The following PARP1 variants were observed in gnomAD, a reference collection of about 807,000 sequenced individuals.
PARP1 encodes the protein poly(ADP-ribose) polymerase 1, also known as poly [ADP-ribose] polymerase 1.
A neutral mutation model predicts 118.7 loss-of-function variants in PARP1; 44 were observed. The ratio of observed to expected loss-of-function variants is 0.37; its 90% CI spans 0.29 to 0.48. The LOEUF is 0.48. Among genes scored for constraint, PARP1 ranks in the 20% least tolerant of loss-of-function variants. PARP1 has a pLI of 0.99. For missense variants in PARP1, 1,100 were observed against 1,272.4 expected (o/e 0.86, Z 2.06); for synonymous variants, 492 against 483.2 (o/e 1.02, Z -0.24).
intron 14 of PARP1, among the ~76,000 whole-genome samples, chr1:226,372,933 G>C (rs957026936): frequency 6.6e-6 from 1 of 152,104 alleles, no homozygotes; most frequent in Non-Finnish European, 1.5e-5. Context: ...TCACACTAGT[G>C]ACCTCATAAA....
chr1:226,379,784 CGCCTGCCATTCTGTGTCCT>C, intron 10 of PARP1, 119 bp downstream of exon 10: 1 of 1,436,798 alleles, frequency 7.0e-7, no homozygotes, highest in South Asian at 1.2e-5. Context: ...CACCCCAAAG[CGCCTGCCATTCTGTGTCCT>C]GCTCTGCAGC....
intron 7 of PARP1, among the ~76,000 whole-genome samples, chr1:226,383,890 T>A (rs1664667951): frequency 6.6e-6 from 1 of 152,216 alleles, no homozygotes; most frequent in South Asian, 2.1e-4. Flanking sequence ...GGATGTCAGT[T>A]AGATACAAGA....
intron 12 of PARP1, among the ~76,000 whole-genome samples, chr1:226,377,735 G>T (rs1171573331): frequency 6.6e-6 from 1 of 152,098 alleles, no homozygotes; most frequent in Non-Finnish European, 1.5e-5. Flanking sequence ...TGAAATGAGG[G>T]GGGCAGTGGC....
intron 2 of PARP1, chr1:226,392,594 C>T (rs2102742229): frequency 3.7e-6 from 2 of 547,318 alleles, no homozygotes; most frequent in Admixed American, 3.1e-5. Context: ...TCCCCTTTCT[C>T]TGGAGGCCCC....
intron 2 of PARP1, among the ~76,000 whole-genome samples, chr1:226,395,434 C>T (rs1246013190): frequency 1.3e-5 from 2 of 152,126 alleles, no homozygotes; most frequent in South Asian, 2.1e-4. Context: ...CAGTGGCTCA[C>T]GCCTGTAATC....
At chr1:226,377,780 G>A (rs535191773) in intron 12 of PARP1, among the ~76,000 whole-genome samples, 5 of 152,314 alleles carry the variant, frequency 3.3e-5, no homozygotes, top group African/African-American at 1.2e-4. Flanking sequence ...TAGAGATGCA[G>A]GCTGTCATGT....
intron 18 of PARP1, 48 bp downstream of exon 18, chr1:226,365,905 GA>G: frequency 8.0e-7 from 1 of 1,252,706 alleles, no homozygotes. Flanking sequence ...AGTGGGCAGG[GA>G]AGAGCTGGCA....
intron 14 of PARP1, among the ~76,000 whole-genome samples, chr1:226,372,025 G>T (rs986000877): frequency 2.0e-5 from 3 of 152,206 alleles, no homozygotes; most frequent in African/African-American, 7.2e-5. Flanking sequence ...TGGCACTGGG[G>T]ACCCACGAGC....
chr1:226,367,040 C>T (rs1436002626), intron 17 of PARP1: 1 of 270,414 alleles, frequency 3.7e-6, no homozygotes, highest in East Asian at 9.5e-5. Flanking sequence ...TGAACGCAAG[C>T]ATTGTGTTTT....
At chr1:226,381,290 C>T (rs1664601728) in intron 8 of PARP1, 82 bp from the exon 9 acceptor site, 4 of 1,538,158 alleles carry the variant, frequency 2.6e-6, no homozygotes, top group Middle Eastern at 1.7e-4. Flanking sequence ...AGCAGGTGAG[C>T]CAAGCAGCGA....
At chr1:226,394,058 C>G (rs949146212) in intron 2 of PARP1, among the ~76,000 whole-genome samples, 2 of 152,142 alleles carry the variant, frequency 1.3e-5, no homozygotes, top group Non-Finnish European at 2.9e-5. Flanking sequence ...AAGAAAAACA[C>G]AAGGCCAGGC....
intron 2 of PARP1, among the ~76,000 whole-genome samples, chr1:226,396,631 T>C (rs1332495960): frequency 2.0e-5 from 3 of 152,222 alleles, no homozygotes; most frequent in African/African-American, 7.2e-5. Context: ...GAAAAATCCC[T>C]GGACAATTAG....
rs186361971 is a variant in PARP1, at chr1:226,376,929, G to A, written c.1941+179C>T. Among the ~76,000 whole-genome samples, 30 of 152,304 alleles carry A rather than the reference G, an allele frequency of 2.0e-4. No individual in the cohort carries two copies. In the East Asian group the frequency reaches 5.4e-3, roughly 27 times the overall value. On this transcript the variant is annotated intron_variant, in intron 13 of 22. Transcript: ENST00000366794. The stretch of plus-strand genomic sequence containing the variant: ...AGGGTGGTACTGGCCTTCATGCAAT[G>A]AGCTGGGAAGTATTTTCTTCTATTT...
chr1:226,375,590 T>A (rs1664472374), intron 13 of PARP1, among the ~76,000 whole-genome samples: 1 of 152,170 alleles, frequency 6.6e-6, no homozygotes, highest in African/African-American at 2.4e-5. Flanking sequence ...TACACCAGAT[T>A]TCAAAGACTT....
At position 226,361,352 on chromosome 1, in the gene PARP1, G is replaced by A; in HGVS notation, c.*108C>T. The stretch of plus-strand genomic sequence containing the variant: ...GTAAAATCCTTTCTGAGGTGGTTTA[G>A]TACAGGTACTACCCATCAGCAACTT... On this transcript the variant is annotated 3_prime_UTR_variant, in exon 23 of 23. Transcript: ENST00000366794. The A allele has an allele frequency of 1.3e-6, 1 of 740,870 alleles. No homozygotes were observed. The highest frequency in any genetic ancestry group is 2.5e-6 in the Non-Finnish European group (1 of 403,902). The allele number at this position is 740,870 out of a possible 1,614,324, so 45.9% of individuals were successfully genotyped here.
intron 2 of PARP1, chr1:226,392,961 T>C: frequency 6.4e-7 from 1 of 1,572,604 alleles, no homozygotes; most frequent in African/African-American, 1.4e-5. Flanking sequence ...TCACTTCTAT[T>C]CCACATGGTA....
chr1:226,373,095 G>A (rs1331370902), intron 14 of PARP1, among the ~76,000 whole-genome samples: 2 of 152,190 alleles, frequency 1.3e-5, no homozygotes, highest in East Asian at 1.9e-4. Context: ...AGGGAGATAC[G>A]GGGTTGGCCC....
At chr1:226,362,296 G>A (rs943562368) in intron 21 of PARP1, 5 of 514,198 alleles carry the variant, frequency 9.7e-6, no homozygotes, top group East Asian at 3.5e-5. Flanking sequence ...AGCAATTCTC[G>A]TGCCTCAGCC....
chr1:226,402,758 T>C (rs1348248023), intron 1 of PARP1, among the ~76,000 whole-genome samples: 1 of 152,228 alleles, frequency 6.6e-6, no homozygotes, highest in Non-Finnish European at 1.5e-5. Flanking sequence ...AAGACACTTG[T>C]GCAGAGTCAC....
Sources: allele counts gnomAD v4.1 joint callset (sites outside exome capture counted in the v4.1 genomes callset), GRCh38; gene constraint gnomAD v4.1.1; transcripts MANE v1.5; gene names NCBI Gene and HGNC (gene_info 2026-07-23, HGNC 2026-07-21).